The following BCAP29 variants were observed in gnomAD, a reference collection of about 807,000 sequenced individuals.
The protein encoded by BCAP29 is B-cell receptor-associated protein 29.
In BCAP29, 34 loss-of-function variants were observed where a neutral mutation model predicts 31.8. The observed-to-expected ratio is 1.07, with a 90% CI of 0.81 to 1.42. BCAP29 has a LOEUF of 1.42. Among genes scored for constraint, BCAP29 ranks in the 40% most tolerant of loss-of-function variants. BCAP29 has a pLI of 0.00. For missense variants in BCAP29, 314 were observed against 269.2 expected, an observed-to-expected ratio of 1.17 and a Z score of -1.16; for synonymous variants, 104 against 91.3, an observed-to-expected ratio of 1.14 and a Z score of -0.79.
chr7:107,601,451 G>T (rs796113636), intron 6 of BCAP29, among the ~76,000 whole-genome samples: 2 of 152,156 alleles, frequency 1.3e-5, no homozygotes, highest in African/African-American at 4.8e-5. Context: ...CTTTAGTCAC[G>T]TTCCTCCTTA....
intron 7 of BCAP29, among the ~76,000 whole-genome samples, chr7:107,615,024 T>C (rs143773652): frequency 6.8e-4 from 103 of 152,346 alleles, no homozygotes; most frequent in Non-Finnish European, 1.4e-3. Flanking sequence ...TCGACATTAG[T>C]GGACTTTGCC....
chr7:107,609,088 T>C (rs1469354564), intron 6 of BCAP29, among the ~76,000 whole-genome samples: 1 of 152,170 alleles, frequency 6.6e-6, no homozygotes, highest in Non-Finnish European at 1.5e-5. Context: ...ATCGACACTT[T>C]CTTGACATTT....
chr7:107,618,074 T>G (rs1229632535), intron 7 of BCAP29, among the ~76,000 whole-genome samples: 1 of 152,172 alleles, frequency 6.6e-6, no homozygotes, highest in Admixed American at 6.5e-5. Context: ...GTTTTCCTAA[T>G]GTAACCTGTG....
downstream of BCAP29, chr7:107,620,929 G>C (rs190265502): frequency 6.6e-6 from 1 of 152,246 alleles, no homozygotes; most frequent in Non-Finnish European, 1.5e-5. Context: ...AGCCTGCCTG[G>C]ATCTCTAAAT....
At chr7:107,606,547 G>C (rs1054611233) in intron 6 of BCAP29, among the ~76,000 whole-genome samples, 1 of 152,130 alleles carries the variant, frequency 6.6e-6, no homozygotes. Context: ...TTATGCATCT[G>C]TTAGCTCACA....
chr7:107,585,848 G>A (rs1462698112), intron 3 of BCAP29, among the ~76,000 whole-genome samples: 1 of 152,028 alleles, frequency 6.6e-6, no homozygotes, highest in Non-Finnish European at 1.5e-5. Flanking sequence ...AAAATTAGCC[G>A]GGCATGGGGG....
chr7:107,616,993 C>T (rs180903824), intron 7 of BCAP29, among the ~76,000 whole-genome samples: 2 of 152,274 alleles, frequency 1.3e-5, no homozygotes, highest in African/African-American at 4.8e-5. Context: ...CCCACCTGGG[C>T]CTTCCAAAGT....
At chr7:107,601,515 A>G (rs1337390186) in intron 6 of BCAP29, among the ~76,000 whole-genome samples, 1 of 152,222 alleles carries the variant, frequency 6.6e-6, no homozygotes, top group Non-Finnish European at 1.5e-5. Flanking sequence ...TAAAAAATAA[A>G]TTACCCTTAT....
At chr7:107,590,475 CAAAG>C (rs1174580801) in intron 3 of BCAP29, among the ~76,000 whole-genome samples, 1 of 152,042 alleles carries the variant, frequency 6.6e-6, no homozygotes, top group African/African-American at 2.4e-5. Context: ...TTAAAGATTG[CAAAG>C]AAAGAAGTAA....
Position 107,600,486 on chromosome 7 carries a change from A to G in BCAP29, c.570A>G (p.Glu190=). 6.3e-7 allele frequency: 1 copy of G among 1,598,112 alleles called. No homozygotes were observed. The highest frequency in any genetic ancestry group is 8.6e-7 in the Non-Finnish European group (1 of 1,167,340). The change falls in exon 6 of 8, where the codon GAA becomes GAG. Residue 190 remains glutamate, a synonymous_variant. Coordinates refer to ENST00000005259, the MANE Select transcript of BCAP29 (RefSeq NM_018844.4). ...LVEDQEKLKT[E]LRKTSDALSK... The stretch of plus-strand genomic sequence containing the variant: ...AAGACCAGGAGAAACTGAAAACTGA[A>G]TTAAGGAAGACTTCAGATGGTAACT...
intron 6 of BCAP29, among the ~76,000 whole-genome samples, chr7:107,608,883 A>G (rs1213459580): frequency 1.3e-5 from 2 of 152,190 alleles, no homozygotes; most frequent in Admixed American, 6.5e-5. Context: ...TACACTTTTC[A>G]TTTATTCATT....
At chr7:107,610,825 T>C in intron 6 of BCAP29, among the ~76,000 whole-genome samples, 1 of 152,234 alleles carries the variant, frequency 6.6e-6, no homozygotes, top group East Asian at 1.9e-4. Flanking sequence ...ATTAAATTTA[T>C]TAAATAACTT....
At chr7:107,622,718 G>A (rs1349449427), downstream of BCAP29, 1 of 152,252 alleles carries the variant, frequency 6.6e-6, no homozygotes, top group African/African-American at 2.4e-5. Flanking sequence ...AGACATTTCT[G>A]GTTGTCATAA....
In BCAP29 at chr7:107,596,007, T is replaced by G; in HGVS notation, c.480+5T>G. On this transcript the variant is annotated splice_donor_5th_base_variant and intron_variant, in intron 5 of 7. Transcript: ENST00000005259. ...GAAAACGAAAAACTAAAAAGGGTAT[T>G]TAATTTTCTTTGTAAAAATTAAATG... The G allele has an allele frequency of 6.4e-7, 1 of 1,557,236 alleles. No homozygotes were observed. The highest frequency in any genetic ancestry group is 1.9e-4 in the Middle Eastern group (1 of 5,260).
At chr7:107,606,490 A>T (rs980469398) in intron 6 of BCAP29, among the ~76,000 whole-genome samples, 2 of 152,182 alleles carry the variant, frequency 1.3e-5, no homozygotes, top group African/African-American at 4.8e-5. Context: ...ACTTTTGAAG[A>T]ATGTTTCATG....
chr7:107,580,646 G>C (rs1806448252), intron 1 of BCAP29, 113 bp from the exon 2 acceptor site: 7 of 696,828 alleles, frequency 1.0e-5, no homozygotes, highest in Admixed American at 3.7e-5. Context: ...GCCTTCCCAG[G>C]TGGGGGAAGG....
At chr7:107,582,884 T>C (rs1306232755) in intron 2 of BCAP29, among the ~76,000 whole-genome samples, 1 of 152,132 alleles carries the variant, frequency 6.6e-6, no homozygotes, top group Admixed American at 6.5e-5. Context: ...AATTTAAATA[T>C]TGGCTGTATA....
rs1390298749 is a variant in BCAP29, at chr7:107,619,246, G to GT, written c.*884dup. 1.3e-5 allele frequency: 2 copies of GT among 152,476 alleles called. No homozygotes were observed. Among genetic ancestry groups the GT allele is most frequent in the East Asian group, 3.9e-4 (2 of 5,172 alleles). The allele number at this position is 152,476 out of a possible 1,614,324, so 9.4% of individuals were successfully genotyped here. Reference sequence around the variant, plus strand: ...TATTACCTCAAAAATACATACACTGGTATCACACAGTCTTTCTACAATGTT... The same window carrying GT: ...TATTACCTCAAAAATACATACACTGGTTATCACACAGTCTTTCTACAATGTT... On this transcript the variant is annotated 3_prime_UTR_variant, in exon 8 of 8. Coordinates refer to ENST00000005259, the MANE Select transcript of BCAP29 (RefSeq NM_018844.4).
Position 107,618,593 on chromosome 7 carries a change from A to T in BCAP29, c.*230A>T. 1 of 1,580,468 alleles carries T rather than the reference A, an allele frequency of 6.3e-7. No homozygotes were observed. Among genetic ancestry groups the T allele is most frequent in the Non-Finnish European group, 8.7e-7 (1 of 1,155,732 alleles). The stretch of plus-strand genomic sequence containing the variant: ...AAAATATAAGCATGTTAAATACCAT[A>T]TTTACATATTGATAATGTCATTGGT... On this transcript the variant is annotated 3_prime_UTR_variant, in exon 8 of 8. Coordinates refer to ENST00000005259, the MANE Select transcript of BCAP29 (RefSeq NM_018844.4).
Sources: allele counts gnomAD v4.1 joint callset (sites outside exome capture counted in the v4.1 genomes callset), GRCh38; gene constraint gnomAD v4.1.1; transcripts MANE v1.5; gene names NCBI Gene and HGNC (gene_info 2026-07-23, HGNC 2026-07-21).